The following MBOAT7 variants were observed in gnomAD, a reference collection of about 807,000 sequenced individuals.
The protein encoded by MBOAT7 is membrane bound acylglycerophosphatidylinositol O-acyltransferase MBOAT7, also known as membrane-bound acylglycerophosphatidylinositol O-acyltransferase MBOAT7.
Under a neutral mutation model 47.4 loss-of-function variants are expected in MBOAT7, and 40 were observed. That is an observed-to-expected ratio of 0.84 (90% CI 0.66 to 1.10). The LOEUF (loss-of-function observed/expected upper bound fraction) is 1.10, where lower values mean the gene tolerates loss of function less well. Among genes scored for constraint, MBOAT7 ranks in the 50% least tolerant of loss-of-function variants. The pLI is 0.00. For missense variants in MBOAT7, 680 were observed against 655.6 expected (o/e 1.04, Z -0.41); for synonymous variants, 361 against 292.0 (o/e 1.24, Z -2.41).
intron 7 of MBOAT7, among the ~76,000 whole-genome samples, chr19:54,175,974 T>A (rs1278316676): frequency 6.6e-6 from 1 of 152,116 alleles, no homozygotes; most frequent in East Asian, 1.9e-4. Context: ...CCACCCGCCG[T>A]GGCCTACCAA....
At position 54,188,238 on chromosome 19, in the gene MBOAT7, G is replaced by A. The variant is rs1028916397; in HGVS notation, c.185C>T (p.Ala62Val). The A allele has an allele frequency of 2.5e-6, 4 of 1,613,334 alleles. No individual in the cohort carries two copies. In the Admixed American group the frequency reaches 5.0e-5, roughly 20 times the overall value. The change falls in exon 3 of 8, where the codon GCC becomes GTC. Residue 62 changes from alanine to valine, a missense_variant. Coordinates refer to ENST00000245615, the MANE Select transcript of MBOAT7 (RefSeq NM_024298.5). ...HSLVTILGTW[A>V]LIQAQPCSCH... ...TCACCAGGGCTGGGCCTGAATGAGG[G>A]CCCAGGTCCCGAGGATGGTGACCAG...
rs78472358 is a variant in MBOAT7 at position 54,178,573 on chromosome 19, C to T, written c.1031+192G>A. On this transcript the variant is annotated intron_variant, in intron 7 of 7. Coordinates refer to ENST00000245615, the MANE Select transcript of MBOAT7 (RefSeq NM_024298.5). ...TTTACAGAAGTAGCAACTGAGGCCC[C>T]GAGAGGGGGAACGATTTTACACCGG... 2,031 of 1,426,670 alleles carry T rather than the reference C, an allele frequency of 1.4e-3. 69 individuals are homozygous for T. The East Asian group carries it at 0.042, about 30-fold the overall frequency. The allele number at this position is 1,426,670 out of a possible 1,614,324, so 88.4% of individuals were successfully genotyped here.
chr19:54,187,242 C>T lies in MBOAT7; in HGVS notation c.252G>A (p.Leu84=), dbSNP rs771767925. The change falls in exon 4 of 8, where the codon CTG becomes CTA. Residue 84 remains leucine (L), a synonymous_variant. Transcript: ENST00000245615. The part of the protein sequence containing the change: ...LALAWTFSYL[L]FFRALSLLGL... Reference sequence around the variant, plus strand: ...CCAGGAGGCTGAGGGCTCGGAAGAACAGGAGATAGGAGAAAGTCCAGGCCA... The same window carrying T: ...CCAGGAGGCTGAGGGCTCGGAAGAATAGGAGATAGGAGAAAGTCCAGGCCA... The T allele has an allele frequency of 1.2e-6, 2 of 1,610,114 alleles. No homozygotes were observed. Among genetic ancestry groups the T allele is most frequent in the East Asian group, 2.2e-5 (1 of 44,748 alleles).
intron 4 of MBOAT7, chr19:54,186,932 G>A: frequency 1.8e-6 from 1 of 565,438 alleles, no homozygotes; most frequent in East Asian, 3.0e-5. Flanking sequence ...GGCACCTACT[G>A]TTACCCTATG....
chr19:54,175,123 CT>C (rs2076060220), intron 7 of MBOAT7, among the ~76,000 whole-genome samples: 1 of 151,832 alleles, frequency 6.6e-6, no homozygotes, highest in Non-Finnish European at 1.5e-5. Flanking sequence ...CTACAGGCGC[CT>C]GCCACCACGC....
chr19:54,174,143 G>C lies in MBOAT7; in HGVS notation c.1320C>G (p.Ala440=). 1 of 1,599,090 alleles carries C rather than the reference G, an allele frequency of 6.3e-7. No homozygotes were observed. The highest frequency in any genetic ancestry group is 8.5e-7 in the Non-Finnish European group (1 of 1,173,592). The change falls in exon 8 of 8, where the codon GCC becomes GCG. Residue 440 remains alanine (A), a synonymous_variant. Coordinates refer to ENST00000245615, the MANE Select transcript of MBOAT7 (RefSeq NM_024298.5). ...YFCIHFLALA[A]LGLGLALGGG... Reference sequence around the variant, plus strand: ...CACCTAAAGCCAGCCCCAGCCCCAGGGCTGCCAGGGCCAGGAAGTGGATAC... The same window carrying C: ...CACCTAAAGCCAGCCCCAGCCCCAGCGCTGCCAGGGCCAGGAAGTGGATAC...
rs149670352 is a variant in MBOAT7 at position 54,188,033 on chromosome 19, G to A, written c.206+184C>T. ...TCCATCTCAGAAAGAAAGAAAGAAAGAAAGAAAGAAAGAAAGAAAGAAAGA... is the reference window on the plus strand; with the variant it reads ...TCCATCTCAGAAAGAAAGAAAGAAAAAAAGAAAGAAAGAAAGAAAGAAAGA... On this transcript the variant is annotated intron_variant, in intron 3 of 7. Coordinates refer to ENST00000245615, the MANE Select transcript of MBOAT7 (RefSeq NM_024298.5). 1.9e-4 allele frequency among the ~76,000 whole-genome samples: 13 copies of A among 68,664 alleles called. No homozygotes were observed. The Admixed American group carries it at 2.1e-3, about 11-fold the overall frequency. The allele number at this position is 68,664 out of a possible 152,430, so 45.0% of individuals were successfully genotyped here. A position where few individuals can be genotyped will look rare whatever the true frequency, so the allele number is the denominator to read the frequency against.
intron 7 of MBOAT7, among the ~76,000 whole-genome samples, 200 bp from the exon 8 acceptor site, chr19:54,174,631 C>G (rs1223060430): frequency 6.7e-6 from 1 of 149,498 alleles, no homozygotes; most frequent in African/African-American, 2.4e-5. Context: ...AGTCCCTCCT[C>G]CCTCAGACCC....
At chr19:54,176,757 C>T (rs193257127) in intron 7 of MBOAT7, among the ~76,000 whole-genome samples, 240 of 152,034 alleles carry the variant, frequency 1.6e-3, no homozygotes, top group Middle Eastern at 3.4e-3. Context: ...GAGCTTTAAG[C>T]GTCATCTATA....
At chr19:54,177,055 C>T (rs554717506) in intron 7 of MBOAT7, among the ~76,000 whole-genome samples, 3 of 151,810 alleles carry the variant, frequency 2.0e-5, no homozygotes, top group East Asian at 3.9e-4. Flanking sequence ...AACCCTGCGT[C>T]TACTCTTGGC....
intron 5 of MBOAT7, among the ~76,000 whole-genome samples, chr19:54,181,621 G>A (rs1453939545): frequency 3.0e-5 from 4 of 134,556 alleles, no homozygotes; most frequent in Admixed American, 1.5e-4. Flanking sequence ...CAGCCAGGGA[G>A]GGAGGGAGGG....
Position 54,187,228 on chromosome 19 carries a change from A to G in MBOAT7, c.266T>C (p.Leu89Pro). ...TFSYLLFFRA[L>P]SLLGLPTPTP... ...GGGAGTGGGCAGGCCCAGGAGGCTG[A>G]GGGCTCGGAAGAACAGGAGATAGGA... The change falls in exon 4 of 8, where the codon CTC (leucine) becomes CCC (proline). Residue 89 changes from leucine (L) to proline (P), a missense_variant. Transcript: ENST00000245615. 1 of 1,607,558 alleles carries G rather than the reference A, an allele frequency of 6.2e-7. No homozygotes were observed. The highest frequency in any genetic ancestry group is 1.1e-5 in the South Asian group (1 of 90,078).
Position 54,174,264 on chromosome 19 carries a change from C to A in MBOAT7, c.1199G>T (p.Trp400Leu), listed in dbSNP as rs1420999028. ...GGQKAWDWVH[W>L]FLKMRAYDYM... ...GTCATAGGCGCGCATCTTCAGGAAC[C>A]AGTGCACCCAGTCCCAGGCCTTCTG... The change falls in exon 8 of 8, where the codon TGG becomes TTG. Residue 400 changes from tryptophan (W) to leucine (L), a missense_variant. Physicochemically the swap from Trp to Leu is moderately conservative, Grantham distance 61. Coordinates refer to ENST00000245615, the MANE Select transcript of MBOAT7 (RefSeq NM_024298.5). The A allele has an allele frequency of 6.2e-7, 1 of 1,611,270 alleles. No individual in the cohort carries two copies. Among genetic ancestry groups the A allele is most frequent in the East Asian group, 2.2e-5 (1 of 44,788 alleles).
In MBOAT7 at chr19:54,174,094, C is replaced by T. The variant is rs749789404; in HGVS notation, c.1369G>A (p.Ala457Thr). 1.2e-6 allele frequency: 2 copies of T among 1,607,074 alleles called. No homozygotes were observed. Among genetic ancestry groups the T allele is most frequent in the Non-Finnish European group, 1.7e-6 (2 of 1,177,478 alleles). The stretch of plus-strand genomic sequence containing the variant: ...GCAAGGCTGGTGGGCTGGGATGCTG[C>T]CTTCCGCCGGCTGGGGCTGCCCCCA... Reference protein sequence around the residue: ...LGGGSPSRRKAASQPTSLAPE... With the variant: ...LGGGSPSRRKTASQPTSLAPE... Residue 457 changes from alanine to threonine, a missense_variant, in exon 8 of 8, where the codon GCA becomes ACA. By Grantham distance (58) the Ala-to-Thr change is moderately conservative (BLOSUM62 0). Coordinates refer to ENST00000245615, the MANE Select transcript of MBOAT7 (RefSeq NM_024298.5).
At chr19:54,186,409 G>A (rs1397267343) in intron 4 of MBOAT7, among the ~76,000 whole-genome samples, 3 of 152,134 alleles carry the variant, frequency 2.0e-5, no homozygotes, top group Non-Finnish European at 2.9e-5. Flanking sequence ...AATCCTCCAC[G>A]GGAAGAAGTC....
At chr19:54,188,062 A>AC (rs753007756) in intron 3 of MBOAT7, among the ~76,000 whole-genome samples, 155 bp downstream of exon 3, 1 of 56,992 alleles carries the variant, frequency 1.8e-5, no homozygotes, top group Non-Finnish European at 4.5e-5. Flanking sequence ...AGAAAGAAAG[A>AC]AAGAAAGACA....
At chr19:54,176,079 T>C (rs1229640892) in intron 7 of MBOAT7, among the ~76,000 whole-genome samples, 1 of 152,212 alleles carries the variant, frequency 6.6e-6, no homozygotes, top group East Asian at 1.9e-4. Context: ...ATGGTCTCGA[T>C]CTCCTGACCT....
intron 7 of MBOAT7, among the ~76,000 whole-genome samples, chr19:54,176,727 T>C (rs982217462): frequency 7.2e-5 from 11 of 151,954 alleles, no homozygotes; most frequent in African/African-American, 2.7e-4. Context: ...CTGGGGTGCT[T>C]TGACCTGGCC....
intron 1 of MBOAT7, among the ~76,000 whole-genome samples, chr19:54,188,942 G>A (rs955129381): frequency 2.7e-5 from 4 of 150,024 alleles, no homozygotes; most frequent in Non-Finnish European, 4.4e-5. Flanking sequence ...CTAGACCTCC[G>A]AGCCCCCTCT....
Sources: gnomAD v4.1 joint callset for allele counts (sites outside exome capture counted in the v4.1 genomes callset) on GRCh38, gnomAD v4.1.1 for gene constraint, MANE v1.5 for transcripts, NCBI Gene and HGNC (gene_info 2026-07-23, HGNC 2026-07-21) for gene names.